GALNTL6: variants seen among roughly 807,000 people sequenced by gnomAD.
GALNTL6 encodes the protein polypeptide N-acetylgalactosaminyltransferase-like 6.
In GALNTL6, 46 loss-of-function variants were observed where a neutral mutation model predicts 73.7. The observed-to-expected ratio is 0.62, with a 90% CI of 0.49 to 0.80. The LOEUF is 0.80. Ranked by LOEUF, GALNTL6 falls within the 30% of genes least tolerant of loss-of-function variation. The pLI is 0.00. For synonymous variants in GALNTL6, 259 were observed against 263.7 expected (o/e 0.98, Z 0.17); for missense variants, 604 against 755.0 (o/e 0.80, Z 2.34).
intron 5 of GALNTL6, among the ~76,000 whole-genome samples, chr4:172,512,833 C>T (rs1437698885): frequency 6.6e-6 from 1 of 152,098 alleles, no homozygotes. Flanking sequence ...ATAGGTTTTC[C>T]TTTATAGGTT....
intron 7 of GALNTL6, among the ~76,000 whole-genome samples, chr4:172,855,145 G>C (rs1744058390): frequency 6.8e-6 from 1 of 146,948 alleles, no homozygotes; most frequent in Non-Finnish European, 1.5e-5. Flanking sequence ...CACCTGAAGA[G>C]AGCAAATTAT....
At chr4:172,127,799 G>T (rs1482993730) in intron 2 of GALNTL6, among the ~76,000 whole-genome samples, 1 of 152,020 alleles carries the variant, frequency 6.6e-6, no homozygotes, top group Non-Finnish European at 1.5e-5. Context: ...ATTTATCAGG[G>T]ACATACATAA....
chr4:172,594,108 A>C (rs62330040), intron 5 of GALNTL6, among the ~76,000 whole-genome samples: 1 of 152,028 alleles, frequency 6.6e-6, no homozygotes, highest in Non-Finnish European at 1.5e-5. Flanking sequence ...GCACTTTGGG[A>C]GGCCGAGGCG....
chr4:172,461,804 G>C lies in GALNTL6; in HGVS notation c.553+113115G>C, dbSNP rs111530044. On this transcript the variant is annotated intron_variant, in intron 5 of 12. Coordinates refer to ENST00000506823, the MANE Select transcript of GALNTL6 (RefSeq NM_001034845.3). ...AGAGTGGAACTATAGATCTGTGATG[G>C]TTAATTTTGTATTTCAACTTCACTG... 5.8e-3 allele frequency among the ~76,000 whole-genome samples: 887 copies of C among 152,270 alleles called. 10 individuals are homozygous for C. The highest frequency in any genetic ancestry group is 0.02 in the African/African-American group (845 of 41,534).
intron 5 of GALNTL6, among the ~76,000 whole-genome samples, chr4:172,423,434 G>T (rs1220382975): frequency 6.6e-6 from 1 of 151,886 alleles, no homozygotes; most frequent in Non-Finnish European, 1.5e-5. Context: ...GCCGCAGTCA[G>T]TACACTGGTG....
At chr4:172,931,831 C>T (rs532497770) in intron 9 of GALNTL6, among the ~76,000 whole-genome samples, 2 of 152,298 alleles carry the variant, frequency 1.3e-5, no homozygotes, top group South Asian at 2.1e-4. Context: ...TTGAATAAAA[C>T]CTTTCTTGTA....
chr4:172,488,466 A>G (rs1733774737), intron 5 of GALNTL6, among the ~76,000 whole-genome samples: 1 of 152,164 alleles, frequency 6.6e-6, no homozygotes, highest in South Asian at 2.1e-4. Context: ...GCTGCTGGCC[A>G]TTAGCCGGAG....
At chr4:172,610,072 G>A (rs753798189) in intron 5 of GALNTL6, among the ~76,000 whole-genome samples, 1 of 151,682 alleles carries the variant, frequency 6.6e-6, no homozygotes, top group African/African-American at 2.4e-5. Context: ...GTGTTTATTT[G>A]GATCTTTTCT....
intron 2 of GALNTL6, among the ~76,000 whole-genome samples, chr4:172,124,991 T>A (rs570268671): frequency 6.6e-6 from 1 of 152,216 alleles, no homozygotes; most frequent in African/African-American, 2.4e-5. Flanking sequence ...GAAAGAACAT[T>A]TCAGCATCAG....
At chr4:172,300,037 T>C (rs1167768172) in intron 3 of GALNTL6, among the ~76,000 whole-genome samples, 3 of 152,208 alleles carry the variant, frequency 2.0e-5, no homozygotes, top group Non-Finnish European at 4.4e-5. Context: ...ACTTGCTTTA[T>C]GAATCTGGGT....
chr4:172,238,141 G>A (rs1033602022), intron 3 of GALNTL6, among the ~76,000 whole-genome samples: 3 of 152,066 alleles, frequency 2.0e-5, no homozygotes, highest in Non-Finnish European at 2.9e-5. Flanking sequence ...AGTGAAGAAC[G>A]TCATTGGTAG....
At chr4:172,570,463 T>G (rs190732785) in intron 5 of GALNTL6, among the ~76,000 whole-genome samples, 1 of 152,268 alleles carries the variant, frequency 6.6e-6, no homozygotes, top group African/African-American at 2.4e-5. Flanking sequence ...GGTGCTGTAT[T>G]TGGAGGTAGG....
intron 10 of GALNTL6, among the ~76,000 whole-genome samples, chr4:172,952,701 A>T (rs1394315331): frequency 6.6e-6 from 1 of 152,120 alleles, no homozygotes; most frequent in Non-Finnish European, 1.5e-5. Context: ...TTTTTAGTAG[A>T]GACGGGGTTT....
intron 7 of GALNTL6, among the ~76,000 whole-genome samples, chr4:172,846,641 G>A (rs1480809520): frequency 6.6e-6 from 1 of 152,162 alleles, no homozygotes; most frequent in Non-Finnish European, 1.5e-5. Context: ...GGAATTGGTA[G>A]TCTAGTAGCA....
At chr4:172,949,744 C>A (rs915345552) in intron 9 of GALNTL6, among the ~76,000 whole-genome samples, 1 of 151,570 alleles carries the variant, frequency 6.6e-6, no homozygotes, top group Non-Finnish European at 1.5e-5. Context: ...CCCATCTCTA[C>A]TAAAAATACA....
intron 5 of GALNTL6, among the ~76,000 whole-genome samples, chr4:172,756,232 A>G (rs12510770): frequency 0.15 from 22,367 of 152,230 alleles, 1,906 homozygotes; most frequent in East Asian, 0.26. Flanking sequence ...ACAGAAGTTC[A>G]TGGTTTACCA....
At chr4:172,389,176 T>C (rs1743577214) in intron 5 of GALNTL6, among the ~76,000 whole-genome samples, 1 of 152,066 alleles carries the variant, frequency 6.6e-6, no homozygotes, top group Non-Finnish European at 1.5e-5. Context: ...CATATTTTAA[T>C]ACATATTTAA....
intron 8 of GALNTL6, among the ~76,000 whole-genome samples, chr4:172,923,873 T>C (rs1579660138): frequency 1.3e-5 from 2 of 151,970 alleles, no homozygotes; most frequent in African/African-American, 2.4e-5. Flanking sequence ...TGAGACTTAC[T>C]ACCACGAGAA....
intron 2 of GALNTL6, among the ~76,000 whole-genome samples, chr4:172,063,306 C>T (rs1731263075): frequency 6.6e-6 from 1 of 152,252 alleles, no homozygotes; most frequent in Non-Finnish European, 1.5e-5. Flanking sequence ...TATAGTAAGT[C>T]TCATCAGCCT....
Sources: allele counts gnomAD v4.1 joint callset (sites outside exome capture counted in the v4.1 genomes callset), GRCh38; gene constraint gnomAD v4.1.1; transcripts MANE v1.5; gene names NCBI Gene and HGNC (gene_info 2026-07-23, HGNC 2026-07-21).